Variants in ALKBH3 observed in about 807,000 individuals in gnomAD.
ALKBH3 encodes the protein alpha-ketoglutarate-dependent dioxygenase alkB homolog 3.
In ALKBH3, 51 loss-of-function variants were observed where a neutral mutation model predicts 43.9. That is an observed-to-expected ratio of 1.16 (90% CI 0.93 to 1.47). The LOEUF (loss-of-function observed/expected upper bound fraction) is 1.47. Among genes scored for constraint, ALKBH3 ranks in the 40% most tolerant of loss-of-function variants. ALKBH3 has a pLI of 0.00. For synonymous variants in ALKBH3, 102 were observed against 115.2 expected, an observed-to-expected ratio of 0.89 and a Z score of 0.73; for missense variants, 361 against 351.9, an observed-to-expected ratio of 1.03 and a Z score of -0.21.
intron 7 of ALKBH3, chr11:43,898,609 T>C (rs1951837576): frequency 2.7e-6 from 2 of 742,536 alleles, no homozygotes; most frequent in Admixed American, 3.5e-5. Flanking sequence ...CTCATGGACC[T>C]GCCTGGCGGA....
intron 8 of ALKBH3, chr11:43,909,819 G>A (rs758531994): frequency 2.6e-5 from 4 of 152,130 alleles, no homozygotes; most frequent in Non-Finnish European, 4.4e-5. Context: ...GACATCTTGG[G>A]CTTTTTCTTG....
At chr11:43,886,781 G>C in intron 5 of ALKBH3, 128 bp downstream of exon 5, 1 of 920,938 alleles carries the variant, frequency 1.1e-6, no homozygotes, top group Non-Finnish European at 1.7e-6. Flanking sequence ...CCATTAAAAG[G>C]AATGAAAGCA....
At chr11:43,882,887 G>A (rs1951721570) in intron 2 of ALKBH3, 156 bp downstream of exon 2, 6 of 944,370 alleles carry the variant, frequency 6.4e-6, no homozygotes, top group Non-Finnish European at 9.4e-6. Flanking sequence ...TGTTGATGGT[G>A]AGCTAAGGGT....
intron 9 of ALKBH3, chr11:43,919,581 C>T (rs1181897922): frequency 6.6e-6 from 2 of 304,666 alleles, no homozygotes; most frequent in Non-Finnish European, 1.2e-5. Context: ...TGTCAAAACA[C>T]TTACCATAAG....
chr11:43,900,215 A>ATTTTT lies in ALKBH3; in HGVS notation c.460-1279_460-1275dup, dbSNP rs34274072. Among the ~76,000 whole-genome samples the ATTTTT allele has an allele frequency of 3.7e-4, 32 of 87,138 alleles. 1 individual carries two copies. Among genetic ancestry groups the ATTTTT allele is most frequent in the East Asian group, 7.3e-4 (2 of 2,732 alleles). The allele number at this position is 87,138 out of a possible 152,430, so 57.2% of individuals were successfully genotyped here. A position where few individuals can be genotyped will look rare whatever the true frequency, so the allele number is the denominator to read the frequency against. ...ATTGCATTTTTTTTATTTTAATTTA[A>ATTTTT]TTTTTTTTTTTTTTTTTTTTTTTTT... is the stretch of plus-strand genomic sequence containing the variant. On this transcript the variant is annotated intron_variant, in intron 7 of 9. Transcript: ENST00000302708.
intron 8 of ALKBH3, among the ~76,000 whole-genome samples, chr11:43,903,618 G>A (rs1190169593): frequency 6.6e-6 from 1 of 152,092 alleles, no homozygotes; most frequent in Non-Finnish European, 1.5e-5. Flanking sequence ...TGGCAAATAA[G>A]CTATAGTATA....
chr11:43,889,669 G>C (rs1951769674), intron 5 of ALKBH3, 56 bp from the exon 6 acceptor site: 2 of 1,463,544 alleles, frequency 1.4e-6, no homozygotes, highest in Non-Finnish European at 1.9e-6. Flanking sequence ...CTAACATTTA[G>C]AGTCTAACTT....
At chr11:43,891,685 G>GACAGGGGT (rs1287527791) in intron 6 of ALKBH3, among the ~76,000 whole-genome samples, 1 of 150,836 alleles carries the variant, frequency 6.6e-6, no homozygotes, top group Non-Finnish European at 1.5e-5. Flanking sequence ...AATTTCTGCA[G>GACAGGGGT]ACAGGGGTTC....
chr11:43,889,779 A>T lies in ALKBH3; in HGVS notation c.321A>T (p.Glu107Asp), dbSNP rs1385986130. 2.5e-6 allele frequency: 4 copies of T among 1,613,982 alleles called. No individual in the cohort carries two copies. The highest frequency in any genetic ancestry group is 3.4e-6 in the Non-Finnish European group (4 of 1,179,972). Residue 107 changes from glutamate to aspartate, a missense_variant, in exon 6 of 10, where the codon GAA becomes GAT. Glu to Asp is a conservative substitution (Grantham distance 45). Transcript: ENST00000302708. Reference protein sequence around the residue: ...VDVKEADWILEQLCQDVPWKQ... With the variant: ...VDVKEADWILDQLCQDVPWKQ... ...TGAAAGAAGCTGACTGGATATTGGAACAGCTTTGTCAAGATGTTCCCTGGA... is the reference window on the plus strand; with the variant it reads ...TGAAAGAAGCTGACTGGATATTGGATCAGCTTTGTCAAGATGTTCCCTGGA...
intron 4 of ALKBH3, 102 bp from the exon 5 acceptor site, chr11:43,886,504 T>C: frequency 3.6e-6 from 4 of 1,112,452 alleles, no homozygotes; most frequent in Admixed American, 1.9e-5. Context: ...TAAATGACTT[T>C]GGTGAGCCAG....
intron 8 of ALKBH3, among the ~76,000 whole-genome samples, chr11:43,908,967 G>A (rs1296049279): frequency 6.6e-6 from 1 of 152,200 alleles, no homozygotes; most frequent in African/African-American, 2.4e-5. Flanking sequence ...CACTGGGTGT[G>A]CCTGGTATAG....
chr11:43,892,103 A>G lies in ALKBH3; in HGVS notation c.433A>G (p.Arg145Gly), dbSNP rs1565124048. The G allele has an allele frequency of 1.9e-6, 3 of 1,613,468 alleles. No individual in the cohort carries two copies. The highest frequency in any genetic ancestry group is 1.1e-5 in the South Asian group (1 of 91,060). ...TGGAGAACTTCCTTACACTTATTCAAGAATCACTATGGAACCAAATCCTCA... is the reference window on the plus strand; with the variant it reads ...TGGAGAACTTCCTTACACTTATTCAGGAATCACTATGGAACCAAATCCTCA... The part of the protein sequence containing the change: ...WYGELPYTYS[R>G]ITMEPNPHWH... The change falls in exon 7 of 10, where the codon AGA becomes GGA. Residue 145 changes from arginine (R) to glycine (G), a missense_variant. Arg to Gly is a moderately radical substitution (Grantham distance 125). Coordinates refer to ENST00000302708, the MANE Select transcript of ALKBH3 (RefSeq NM_139178.4).
In ALKBH3 at chr11:43,911,995, C is replaced by T. The variant is rs377701794; in HGVS notation, c.670-7043C>T. 2.1e-3 allele frequency among the ~76,000 whole-genome samples: 320 copies of T among 152,094 alleles called. 1 individual carries two copies. Among genetic ancestry groups the T allele is most frequent in the Non-Finnish European group, 3.5e-3 (237 of 67,974 alleles). ...AAAAATAGGCAGGCGTGGTGGTGCG[C>T]GCCTGTAATGCCAGCTACTTAGGAG... On this transcript the variant is annotated intron_variant, in intron 8 of 9. Transcript: ENST00000302708.
chr11:43,891,117 C>T (rs11037712), intron 6 of ALKBH3, among the ~76,000 whole-genome samples: 10,077 of 152,222 alleles, frequency 0.066, 384 homozygotes, highest in African/African-American at 0.11. Context: ...ACCAACTGTA[C>T]TGGCTTCATT....
rs1459645539 is a variant in ALKBH3, at chr11:43,888,154, A to G, written c.266+1501A>G. ...GTCACCTAGGCTGGGGTGCAGTGGC[A>G]CGATCTCAGCTCATTGCAACTTCTG... On this transcript the variant is annotated intron_variant, in intron 5 of 9. Coordinates refer to ENST00000302708, the MANE Select transcript of ALKBH3 (RefSeq NM_139178.4). 2.2e-5 allele frequency among the ~76,000 whole-genome samples: 2 copies of G among 90,468 alleles called. 1 individual carries two copies. The highest frequency in any genetic ancestry group is 7.0e-5 in the African/African-American group (2 of 28,724). 59.4% of individuals were successfully genotyped at this position (90,468 alleles called of 152,430 possible).
intron 7 of ALKBH3, among the ~76,000 whole-genome samples, chr11:43,896,934 T>C (rs1047242235): frequency 6.6e-6 from 1 of 152,162 alleles, no homozygotes; most frequent in Non-Finnish European, 1.5e-5. Context: ...TTTTTTTTTA[T>C]TTAAAGCATT....
At chr11:43,914,555 AT>A (rs1951967165) in intron 8 of ALKBH3, among the ~76,000 whole-genome samples, 1 of 141,464 alleles carries the variant, frequency 7.1e-6, no homozygotes, top group South Asian at 2.5e-4. Flanking sequence ...AATCTAAAAA[AT>A]GTAAACTCTT....
Position 43,900,674 on chromosome 11 carries a change from T to C in ALKBH3, c.460-842T>C, listed in dbSNP as rs1007725914. ...ATGTAAAATTTGAGAACCACTGTTC[T>C]AAAGGAAGCTTTGTAAAGTACTCGA... On this transcript the variant is annotated intron_variant, in intron 7 of 9. Coordinates refer to ENST00000302708, the MANE Select transcript of ALKBH3 (RefSeq NM_139178.4). Among the ~76,000 whole-genome samples, 9 of 152,226 alleles carry C rather than the reference T, an allele frequency of 5.9e-5. 1 individual carries two copies. The highest frequency in any genetic ancestry group is 1.3e-4 in the Non-Finnish European group (9 of 68,038).
At chr11:43,895,027 A>T (rs368530238) in intron 7 of ALKBH3, among the ~76,000 whole-genome samples, 39 of 152,296 alleles carry the variant, frequency 2.6e-4, no homozygotes, top group Non-Finnish European at 4.9e-4. Flanking sequence ...ATAATATTAT[A>T]ATGTAGTATC....
Sources: gnomAD v4.1 joint callset for allele counts (sites outside exome capture counted in the v4.1 genomes callset) on GRCh38, gnomAD v4.1.1 for gene constraint, MANE v1.5 for transcripts, NCBI Gene and HGNC (gene_info 2026-07-23, HGNC 2026-07-21) for gene names.